RBFOX1: variants seen among roughly 807,000 people sequenced by gnomAD.
RBFOX1 encodes the protein RNA binding protein fox-1 homolog 1.
Under a neutral mutation model 57.7 loss-of-function variants are expected in RBFOX1, and 8 were observed. The ratio of observed to expected loss-of-function variants is 0.14; its 90% CI spans 0.08 to 0.25. RBFOX1 has a LOEUF of 0.25. Ranked by LOEUF, RBFOX1 falls within the 10% of genes least tolerant of loss-of-function variation. The pLI is 1.00. For missense variants in RBFOX1, 611 were observed against 548.5 expected (o/e 1.11, Z -1.14); for synonymous variants, 326 against 222.4 (o/e 1.47, Z -4.15).
intron 2 of RBFOX1, among the ~76,000 whole-genome samples, chr16:6,491,830 C>G (rs1040183495): frequency 3.9e-5 from 6 of 151,902 alleles, no homozygotes; most frequent in Non-Finnish European, 1.5e-5. Flanking sequence ...TTTTTTTGGC[C>G]CAAAGCTATA....
At chr16:7,036,997 T>C (rs953935494) in intron 3 of RBFOX1, among the ~76,000 whole-genome samples, 1 of 152,188 alleles carries the variant, frequency 6.6e-6, no homozygotes, top group Non-Finnish European at 1.5e-5. Context: ...GACGTTGCCA[T>C]GGCATTTATA....
intron 1 of RBFOX1, among the ~76,000 whole-genome samples, chr16:5,466,833 C>T (rs2068968297): frequency 6.6e-6 from 1 of 152,202 alleles, no homozygotes; most frequent in Non-Finnish European, 1.5e-5. Context: ...TCATTCCACT[C>T]TCAGTGCTCC....
intron 3 of RBFOX1, among the ~76,000 whole-genome samples, chr16:5,774,776 G>T (rs942909162): frequency 3.9e-5 from 6 of 152,076 alleles, no homozygotes; most frequent in African/African-American, 7.2e-5. Flanking sequence ...TCCACCTCCC[G>T]AGTTCAAGCA....
At chr16:5,830,073 T>C (rs2056210265) in intron 3 of RBFOX1, among the ~76,000 whole-genome samples, 1 of 152,324 alleles carries the variant, frequency 6.6e-6, no homozygotes, top group African/African-American at 2.4e-5. Context: ...ACACTGCCAC[T>C]TTTCTTCAGG....
At chr16:7,683,006 G>GTA (rs1568438750) in intron 14 of RBFOX1, among the ~76,000 whole-genome samples, 1 of 6,816 alleles carries the variant, frequency 1.5e-4, no homozygotes, top group East Asian at 2.2e-3. Flanking sequence ...ATGTGTGTGT[G>GTA]TGTGTATATA....
At chr16:6,435,029 C>T (rs942139865) in intron 2 of RBFOX1, among the ~76,000 whole-genome samples, 1 of 152,184 alleles carries the variant, frequency 6.6e-6, no homozygotes, top group African/African-American at 2.4e-5. Flanking sequence ...AGCCCTGAGT[C>T]TAAGCTCCAG....
At chr16:6,764,239 A>C (rs2077018247) in intron 3 of RBFOX1, among the ~76,000 whole-genome samples, 1 of 152,210 alleles carries the variant, frequency 6.6e-6, no homozygotes, top group South Asian at 2.1e-4. Context: ...GCTGGCATGC[A>C]AATTGGCTGG....
At chr16:6,694,741 A>G (rs532034933) in intron 3 of RBFOX1, among the ~76,000 whole-genome samples, 1 of 152,326 alleles carries the variant, frequency 6.6e-6, no homozygotes, top group South Asian at 2.1e-4. Flanking sequence ...AATAGGTATA[A>G]AAATGAATTC....
At chr16:5,925,624 T>G (rs1483124529) in intron 4 of RBFOX1, among the ~76,000 whole-genome samples, 2 of 152,208 alleles carry the variant, frequency 1.3e-5, no homozygotes, top group Non-Finnish European at 2.9e-5. Flanking sequence ...CACTATAAAA[T>G]GATTAACATA....
At chr16:7,321,962 G>T (rs1398594191) in intron 4 of RBFOX1, among the ~76,000 whole-genome samples, 1 of 152,184 alleles carries the variant, frequency 6.6e-6, no homozygotes, top group Non-Finnish European at 1.5e-5. Context: ...TGCACAGCTT[G>T]GCACAGCTTG....
intron 1 of RBFOX1, among the ~76,000 whole-genome samples, chr16:5,383,427 C>G (rs748062561): frequency 1.3e-5 from 2 of 152,190 alleles, no homozygotes; most frequent in East Asian, 1.9e-4. Flanking sequence ...AGCACAGGCA[C>G]TACATTTGGG....
chr16:6,744,530 G>A (rs2073105015), intron 3 of RBFOX1, among the ~76,000 whole-genome samples: 2 of 151,914 alleles, frequency 1.3e-5, no homozygotes, highest in East Asian at 3.9e-4. Context: ...AGAAATAAAT[G>A]ACAGAAATAT....
intron 3 of RBFOX1, among the ~76,000 whole-genome samples, chr16:6,733,969 A>G (rs1389146857): frequency 6.6e-6 from 1 of 152,180 alleles, no homozygotes; most frequent in East Asian, 1.9e-4. Flanking sequence ...GGGTTGCCAT[A>G]AAGACAAAGT....
chr16:6,771,874 C>T (rs896061674), intron 3 of RBFOX1, among the ~76,000 whole-genome samples: 12 of 152,110 alleles, frequency 7.9e-5, no homozygotes, highest in African/African-American at 2.9e-4. Context: ...TGTGTCTTTT[C>T]CCTTCTCCCC....
intron 4 of RBFOX1, among the ~76,000 whole-genome samples, chr16:7,317,392 C>T (rs2096463824): frequency 6.6e-6 from 1 of 152,108 alleles, no homozygotes; most frequent in Admixed American, 6.6e-5. Context: ...CCAAAGCTCC[C>T]AGAGCTCAGA....
At chr16:6,314,560 G>A (rs4786093) in intron 1 of RBFOX1, among the ~76,000 whole-genome samples, 45,902 of 151,980 alleles carry the variant, frequency 0.3, 7,652 homozygotes, top group Middle Eastern at 0.41. Flanking sequence ...GGTTGTAATC[G>A]AAGGGCTAAA....
intron 3 of RBFOX1, among the ~76,000 whole-genome samples, chr16:5,742,026 A>G (rs964963831): frequency 2.0e-5 from 3 of 152,238 alleles, no homozygotes; most frequent in Non-Finnish European, 4.4e-5. Context: ...AATTTTAGAA[A>G]TAAGAGAAAA....
chr16:7,465,094 A>G (rs928124073), intron 4 of RBFOX1, among the ~76,000 whole-genome samples: 2 of 151,996 alleles, frequency 1.3e-5, no homozygotes, highest in Non-Finnish European at 2.9e-5. Context: ...GGTGTCTGCT[A>G]AGCTCATCCT....
chr16:6,259,980 A>G (rs569557259), intron 1 of RBFOX1, among the ~76,000 whole-genome samples: 1 of 151,020 alleles, frequency 6.6e-6, no homozygotes, highest in African/African-American at 2.4e-5. Flanking sequence ...AAAAAAGCTG[A>G]TGAAAATAAG....
Sources: allele counts gnomAD v4.1 joint callset (sites outside exome capture counted in the v4.1 genomes callset), GRCh38; gene constraint gnomAD v4.1.1; transcripts MANE v1.5; gene names NCBI Gene and HGNC (gene_info 2026-07-23, HGNC 2026-07-21).